SPTB: variants seen among roughly 807,000 people sequenced by gnomAD.
SPTB encodes the protein spectrin beta, erythrocytic.
In SPTB, 45 loss-of-function variants were observed where a neutral mutation model predicts 256.2. The ratio of observed to expected loss-of-function variants is 0.18; its 90% CI spans 0.14 to 0.23. The LOEUF (loss-of-function observed/expected upper bound fraction) is 0.23. Ranked by LOEUF, SPTB falls within the 10% of genes least tolerant of loss-of-function variation. SPTB has a pLI of 1.00. For missense variants in SPTB, 2,715 were observed against 3,040.4 expected (o/e 0.89, Z 2.52); for synonymous variants, 1,231 against 1,243.1 (o/e 0.99, Z 0.21).
intron 1 of SPTB, among the ~76,000 whole-genome samples, chr14:64,828,849 A>AGAGGTCTCAACATTGTAGT (rs1416920667): frequency 6.6e-6 from 1 of 152,238 alleles, no homozygotes. Context: ...GGAGGTAGGT[A>AGAGGTCTCAACATTGTAGT]GAGGTCTCAA....
intron 1 of SPTB, among the ~76,000 whole-genome samples, chr14:64,842,790 G>C (rs1279821041): frequency 2.0e-5 from 3 of 152,106 alleles, no homozygotes; most frequent in Non-Finnish European, 4.4e-5. Context: ...CTTAAAAATG[G>C]GGACATATAG....
intron 2 of SPTB, among the ~76,000 whole-genome samples, chr14:64,818,478 C>T (rs546233305): frequency 5.9e-5 from 9 of 152,238 alleles, no homozygotes; most frequent in Non-Finnish European, 1.2e-4. Flanking sequence ...GGGCATCTTT[C>T]TGTGGGGTTC....
At chr14:64,859,700 C>T (rs999223393) in intron 1 of SPTB, among the ~76,000 whole-genome samples, 3 of 15,838 alleles carry the variant, frequency 1.9e-4, no homozygotes, top group African/African-American at 6.7e-4. Context: ...CTCTGTCTCT[C>T]TCTCTCTCTC....
At position 64,801,840 on chromosome 14, in the gene SPTB, T is replaced by C. The variant is rs2082891725; in HGVS notation, c.567-6A>G. 2.5e-6 allele frequency: 4 copies of C among 1,613,804 alleles called. No individual in the cohort carries two copies. Among genetic ancestry groups the C allele is most frequent in the Non-Finnish European group, 1.7e-6 (2 of 1,179,728 alleles). On this transcript the variant is annotated splice_region_variant and splice_polypyrimidine_tract_variant and intron_variant, in intron 5 of 35. Transcript: ENST00000644917. Reference sequence around the variant, plus strand: ...TGACATTAACATGAGGGTAGCTGCATCCAAGAGAAACAGTAAGAGCTAAGA... The same window carrying C: ...TGACATTAACATGAGGGTAGCTGCACCCAAGAGAAACAGTAAGAGCTAAGA...
At chr14:64,752,248 ACT>A (rs758044447) in intron 33 of SPTB, 51 of 1,347,208 alleles carry the variant, frequency 3.8e-5, no homozygotes, top group East Asian at 3.2e-4. Context: ...ACAGCAACAG[ACT>A]CTGTTTCCTC....
intron 1 of SPTB, among the ~76,000 whole-genome samples, chr14:64,834,682 C>T (rs955800959): frequency 2.0e-5 from 3 of 152,122 alleles, no homozygotes; most frequent in African/African-American, 7.2e-5. Context: ...ACCTTGGTCT[C>T]CCAAAGTGCT....
In SPTB at chr14:64,792,929, A is replaced by T; in HGVS notation, c.2666+68T>A. The T allele has an allele frequency of 1.2e-6, 2 of 1,609,794 alleles. No individual in the cohort carries two copies. The highest frequency in any genetic ancestry group is 1.7e-6 in the Non-Finnish European group (2 of 1,177,620). The stretch of plus-strand genomic sequence containing the variant: ...CTTTGCTGATCCAGAGACTATTACC[A>T]AACTAGGTGGGAGATGGTGCCCAGG... On this transcript the variant is annotated intron_variant, in intron 14 of 35. Transcript: ENST00000644917. The surrounding 1 kb of genome is among the most constrained non-coding windows in gnomAD (Gnocchi z 4.2).
chr14:64,839,789 C>T (rs1463115938), intron 1 of SPTB, among the ~76,000 whole-genome samples: 1 of 152,062 alleles, frequency 6.6e-6, no homozygotes, highest in Non-Finnish European at 1.5e-5. Context: ...CCTGAGGTAG[C>T]CTAACACGTG....
rs774879187 is a variant in SPTB at position 64,793,152 on chromosome 14, C to G, written c.2511G>C (p.Ala837=). ...RELYQQVVAQ[A]DLRQQRLQEA... Reference sequence around the variant, plus strand: ...CCTGCAGCCTCTGCTGACGCAGGTCCGCCTGGGCCACCACCTGTTGGTAGA... The same window carrying G: ...CCTGCAGCCTCTGCTGACGCAGGTCGGCCTGGGCCACCACCTGTTGGTAGA... Residue 837 remains alanine (A), a synonymous_variant, in exon 14 of 36, where the codon GCG becomes GCC. Transcript: ENST00000644917. The surrounding 1 kb of genome is among the most constrained non-coding windows in gnomAD (Gnocchi z 7.0). 6.2e-6 allele frequency: 10 copies of G among 1,613,958 alleles called. No homozygotes were observed. In the South Asian group the frequency reaches 1.1e-4, roughly 18 times the overall value.
intron 2 of SPTB, among the ~76,000 whole-genome samples, chr14:64,809,302 G>C: frequency 6.6e-6 from 1 of 151,158 alleles, no homozygotes. Flanking sequence ...CTTATTCAGG[G>C]GCTAGGGAAT....
At position 64,749,242 on chromosome 14, in the gene SPTB, G is replaced by A; in HGVS notation, c.*64C>T. On this transcript the variant is annotated 3_prime_UTR_variant, in exon 36 of 36. Transcript: ENST00000644917. This position sits in a 1 kb window ranked among gnomAD's most constrained non-coding sequence, Gnocchi z 4.7. ...GACCGGCGGGCGGCGGCGAGAGGAG[G>A]CCAAGGCCTGGGCTGCCCGGTCTCT... The A allele has an allele frequency of 6.5e-7, 1 of 1,526,844 alleles. No homozygotes were observed. The highest frequency in any genetic ancestry group is 2.5e-5 in the East Asian group (1 of 40,672). 94.6% of individuals were successfully genotyped at this position (1,526,844 alleles called of 1,614,324 possible).
chr14:64,795,732 G>T lies in SPTB; in HGVS notation c.1342-93C>A. 2 of 1,308,794 alleles carry T rather than the reference G, an allele frequency of 1.5e-6. No individual in the cohort carries two copies. The highest frequency in any genetic ancestry group is 2.2e-6 in the Non-Finnish European group (2 of 917,024). The allele number at this position is 1,308,794 out of a possible 1,614,324, so 81.1% of individuals were successfully genotyped here. Reference sequence around the variant, plus strand: ...CAGGGCAGCTCCCTTCAGAACCAGTGCTAGATGGGAAAGCACATTCCCAAG... The same window carrying T: ...CAGGGCAGCTCCCTTCAGAACCAGTTCTAGATGGGAAAGCACATTCCCAAG... On this transcript the variant is annotated intron_variant, in intron 11 of 35. Coordinates refer to ENST00000644917, the MANE Select transcript of SPTB (RefSeq NM_001355436.2). The surrounding 1 kb of genome is among the most constrained non-coding windows in gnomAD (Gnocchi z 6.5).
chr14:64,868,426 A>C (rs1465482297), intron 1 of SPTB, among the ~76,000 whole-genome samples: 2 of 152,182 alleles, frequency 1.3e-5, no homozygotes, highest in Non-Finnish European at 2.9e-5. Context: ...ATTTGGAGTG[A>C]AGAAGGGAGG....
In SPTB at chr14:64,776,468, G is replaced by A. The variant is rs367697146; in HGVS notation, c.4564-1065C>T. On this transcript the variant is annotated intron_variant, in intron 22 of 35. Coordinates refer to ENST00000644917, the MANE Select transcript of SPTB (RefSeq NM_001355436.2). ...AATTAATTTCTTTTTTTTAAGATAG[G>A]GTCTCACTCTAGTCACCCAGGCTGG... 2.0e-5 allele frequency among the ~76,000 whole-genome samples: 3 copies of A among 151,976 alleles called. No homozygotes were observed. The South Asian group carries it at 6.2e-4, about 32-fold the overall frequency.
chr14:64,841,561 G>T lies in SPTB; in HGVS notation c.-51-18416C>A, dbSNP rs868610308. Among the ~76,000 whole-genome samples, 7 of 152,150 alleles carry T rather than the reference G, an allele frequency of 4.6e-5. No individual in the cohort carries two copies. The Middle Eastern group carries it at 0.01, about 222-fold the overall frequency. ...AGATTTCAAAACACAGAATGCACTG[G>T]GTCTCTAGCCTGCGTCAGATCCACA... On this transcript the variant is annotated intron_variant, in intron 1 of 35. Transcript: ENST00000644917. The surrounding 1 kb of genome is among the most constrained non-coding windows in gnomAD (Gnocchi z 4.6).
At chr14:64,800,000 G>C in intron 8 of SPTB, 66 bp from the exon 9 acceptor site, 3 of 1,583,834 alleles carry the variant, frequency 1.9e-6, no homozygotes, top group Non-Finnish European at 2.6e-6. Flanking sequence ...ATATCAATGA[G>C]GACCACAATC....
In SPTB at chr14:64,779,431, A is replaced by T. The variant is rs1056359706; in HGVS notation, c.4474-185T>A. ...GGGATTTTGAACTGAGGTTCCAAAT[A>T]ACTTGCTCCTAGTCAGACAGTGGGA... is the stretch of plus-strand genomic sequence containing the variant. On this transcript the variant is annotated intron_variant, in intron 21 of 35. Coordinates refer to ENST00000644917, the MANE Select transcript of SPTB (RefSeq NM_001355436.2). The surrounding 1 kb of genome is among the most constrained non-coding windows in gnomAD (Gnocchi z 4.2). Among the ~76,000 whole-genome samples the T allele has an allele frequency of 4.6e-5, 7 of 152,208 alleles. No individual in the cohort carries two copies. Among genetic ancestry groups the T allele is most frequent in the African/African-American group, 1.7e-4 (7 of 41,458 alleles).
At chr14:64,783,157 C>T (rs1465570786) in intron 19 of SPTB, among the ~76,000 whole-genome samples, 3 of 152,096 alleles carry the variant, frequency 2.0e-5, no homozygotes, top group African/African-American at 7.3e-5. Flanking sequence ...TTTGGGTGGG[C>T]ACAGTGTGAT....
chr14:64,874,842 T>C (rs529828084), intron 1 of SPTB, among the ~76,000 whole-genome samples: 1 of 152,360 alleles, frequency 6.6e-6, no homozygotes, highest in Admixed American at 6.5e-5. Context: ...CTAAATTGAC[T>C]ATAATTCGAA....
Sources: allele counts gnomAD v4.1 joint callset (sites outside exome capture counted in the v4.1 genomes callset), GRCh38; gene constraint gnomAD v4.1.1; non-coding constraint Gnocchi (gnomAD v3.1); transcripts MANE v1.5; gene names NCBI Gene and HGNC (gene_info 2026-07-23, HGNC 2026-07-21).